The following CTNNAL1 variants were observed in gnomAD, a reference collection of about 807,000 sequenced individuals.
CTNNAL1 encodes the protein catenin alpha like 1.
Under a neutral mutation model 93.6 loss-of-function variants are expected in CTNNAL1, and 69 were observed. That is an observed-to-expected ratio of 0.74 (90% CI 0.61 to 0.90). CTNNAL1 has a LOEUF of 0.90. Ranked by LOEUF, CTNNAL1 falls within the 40% of genes least tolerant of loss-of-function variation. CTNNAL1 has a pLI of 0.00. For missense variants in CTNNAL1, 836 were observed against 862.0 expected (o/e 0.97, Z 0.38); for synonymous variants, 286 against 305.4 (o/e 0.94, Z 0.66).
intron 2 of CTNNAL1, among the ~76,000 whole-genome samples, chr9:108,993,630 T>C (rs1831899559): frequency 6.6e-6 from 1 of 152,250 alleles, no homozygotes; most frequent in Non-Finnish European, 1.5e-5. Context: ...ATGGTAATTA[T>C]CTACTAATAA....
chr9:108,969,388 T>G (rs887769638), intron 10 of CTNNAL1, among the ~76,000 whole-genome samples: 2 of 151,820 alleles, frequency 1.3e-5, no homozygotes, highest in Non-Finnish European at 2.9e-5. Flanking sequence ...TAAGGACAAA[T>G]GAATACCTCT....
chr9:109,009,043 T>C (rs985717855), intron 1 of CTNNAL1, among the ~76,000 whole-genome samples: 2 of 151,590 alleles, frequency 1.3e-5, no homozygotes, highest in African/African-American at 4.8e-5. Context: ...CACAGGTGCA[T>C]GCCATCACAC....
chr9:109,012,256 A>G (rs1430861790), intron 1 of CTNNAL1, among the ~76,000 whole-genome samples: 4 of 152,242 alleles, frequency 2.6e-5, no homozygotes. Flanking sequence ...TCTATGCAAC[A>G]GCTACAGGCT....
intron 8 of CTNNAL1, among the ~76,000 whole-genome samples, chr9:108,975,142 AAC>A (rs1165895045): frequency 2.6e-5 from 4 of 152,142 alleles, no homozygotes; most frequent in Admixed American, 1.3e-4. Flanking sequence ...CAGCTTGGGC[AAC>A]AGAGTGAGAC....
chr9:108,952,264 C>T lies in CTNNAL1; in HGVS notation c.1780G>A (p.Val594Ile). ...EKWEDQENEI[V>I]QYGRNMSSMA... ...CTGGACATGTTCCGTCCATATTGAA[C>T]AATCTCATTCTCCTGATCTTCCCAC... The change falls in exon 14 of 19, where the codon GTT (valine) becomes ATT (isoleucine). Residue 594 changes from valine (V) to isoleucine (I), a missense_variant. Physicochemically the swap from Val to Ile is conservative, Grantham distance 29. Coordinates refer to ENST00000325551, the MANE Select transcript of CTNNAL1 (RefSeq NM_003798.4). The T allele has an allele frequency of 2.5e-6, 4 of 1,614,188 alleles. No individual in the cohort carries two copies. In the East Asian group the frequency reaches 8.9e-5, roughly 36 times the overall value.
intron 15 of CTNNAL1, 151 bp from the exon 16 acceptor site, chr9:108,944,169 A>G: frequency 2.8e-6 from 2 of 708,742 alleles, no homozygotes; most frequent in Non-Finnish European, 2.3e-6. Flanking sequence ...TTCCAGTACC[A>G]GGAATGCACA....
chr9:109,012,443 T>C (rs1827234076), intron 1 of CTNNAL1, among the ~76,000 whole-genome samples: 1 of 152,098 alleles, frequency 6.6e-6, no homozygotes, highest in South Asian at 2.1e-4. Context: ...GCCAACGCGC[T>C]CCCGAAGGCA....
At position 108,952,459 on chromosome 9, in the gene CTNNAL1, G is replaced by A. The variant is rs34922868; in HGVS notation, c.1665C>T (p.Asp555=). 3 of 1,614,166 alleles carry A rather than the reference G, an allele frequency of 1.9e-6. No homozygotes were observed. Among genetic ancestry groups the A allele is most frequent in the East Asian group, 2.2e-5 (1 of 44,878 alleles). ...NNANLKSLKP[D]KPDSEEQAKI... is the part of the protein sequence containing the mutation. ...TTGGTCTTACCTCAGAGTCAGGCTT[G>A]TCTGGCTTTAATGATTTCAGGTTTG... The change falls in exon 13 of 19, where the codon GAC becomes GAT. Residue 555 remains aspartate (D), a synonymous_variant. Transcript: ENST00000325551.
At chr9:108,952,944 G>A (rs1830604204) in intron 12 of CTNNAL1, among the ~76,000 whole-genome samples, 1 of 152,168 alleles carries the variant, frequency 6.6e-6, no homozygotes, top group Non-Finnish European at 1.5e-5. Context: ...CATTCCTTAT[G>A]TTATGACTCC....
chr9:108,979,103 G>GT (rs1346148722), intron 7 of CTNNAL1, among the ~76,000 whole-genome samples, 178 bp downstream of exon 7: 1 of 152,148 alleles, frequency 6.6e-6, no homozygotes, highest in East Asian at 1.9e-4. Context: ...GTCAAGTATT[G>GT]TAAGTGCTAG....
chr9:109,011,327 C>A lies in CTNNAL1; in HGVS notation c.141+1975G>T, dbSNP rs1827196419. Among the ~76,000 whole-genome samples, 2 of 150,334 alleles carry A rather than the reference C, an allele frequency of 1.3e-5. 1 individual carries two copies. The highest frequency in any genetic ancestry group is 4.2e-4 in the South Asian group (2 of 4,772). The stretch of plus-strand genomic sequence containing the variant: ...CTGTAGATACACAATGTGTGGGATG[C>A]AAAACCTCAGCTGTGACCCTGAACA... On this transcript the variant is annotated intron_variant, in intron 1 of 18. Transcript: ENST00000325551.
chr9:108,979,716 A>T (rs1039724473), intron 6 of CTNNAL1, among the ~76,000 whole-genome samples: 2 of 152,240 alleles, frequency 1.3e-5, no homozygotes, highest in African/African-American at 4.8e-5. Context: ...ATACAATGAC[A>T]TTGCTATGAG....
intron 12 of CTNNAL1, among the ~76,000 whole-genome samples, chr9:108,955,135 T>G (rs866530282): frequency 3.4e-4 from 52 of 152,098 alleles, no homozygotes; most frequent in African/African-American, 9.6e-4. Flanking sequence ...GCTAATTTTT[T>G]TTGTTGTTGT....
Position 108,993,215 on chromosome 9 carries a change from G to A in CTNNAL1, c.332-396C>T, listed in dbSNP as rs745928179. ...CCAAGGCTTGGGCTGGGGCGAGGCC[G>A]GGGAGAAGTCAGGGGTCACTGCCAA... is the stretch of plus-strand genomic sequence containing the variant. On this transcript the variant is annotated intron_variant, in intron 2 of 18. Coordinates refer to ENST00000325551, the MANE Select transcript of CTNNAL1 (RefSeq NM_003798.4). Among the ~76,000 whole-genome samples, 7 of 152,264 alleles carry A rather than the reference G, an allele frequency of 4.6e-5. No homozygotes were observed. In the South Asian group the frequency reaches 6.2e-4, roughly 14 times the overall value.
chr9:108,989,120 A>G (rs1175276696), intron 4 of CTNNAL1, among the ~76,000 whole-genome samples: 2 of 152,210 alleles, frequency 1.3e-5, no homozygotes, highest in Admixed American at 1.3e-4. Flanking sequence ...TGAGAAAAAT[A>G]AAATGTTCTC....
At chr9:108,989,860 G>A (rs1831732912) in intron 4 of CTNNAL1, among the ~76,000 whole-genome samples, 1 of 152,066 alleles carries the variant, frequency 6.6e-6, no homozygotes, top group South Asian at 2.1e-4. Context: ...GACCAGCCTG[G>A]CCAACATGGT....
intron 1 of CTNNAL1, among the ~76,000 whole-genome samples, chr9:109,008,876 C>CTTTTTTTTTTTTTT (rs1162375548): frequency 1.8e-5 from 1 of 54,872 alleles, no homozygotes; most frequent in Non-Finnish European, 3.4e-5. Flanking sequence ...AACAGAGGTT[C>CTTTTTTTTTTTTTT]TTTTTTTTTT....
At chr9:108,952,525 A>T (rs1230757071) in intron 12 of CTNNAL1, 31 bp from the exon 13 acceptor site, 2 of 1,612,620 alleles carry the variant, frequency 1.2e-6, no homozygotes, top group Admixed American at 1.7e-5. Flanking sequence ...AGATTATCTT[A>T]AAAAGCAGTA....
chr9:108,972,864 G>GGGGGGGGGGGCCCCCCCCCCCCC, intron 8 of CTNNAL1, 31 bp from the exon 9 acceptor site: 3 of 142,540 alleles, frequency 2.1e-5, no homozygotes, highest in Non-Finnish European at 2.0e-5. Flanking sequence ...GGGGGGGTGG[G>GGGGGGGGGGGCCCCCCCCCCCCC]AGGGTGGAGA....
Sources: gnomAD v4.1 joint callset for allele counts (sites outside exome capture counted in the v4.1 genomes callset) on GRCh38, gnomAD v4.1.1 for gene constraint, MANE v1.5 for transcripts, NCBI Gene and HGNC (gene_info 2026-07-23, HGNC 2026-07-21) for gene names.